The following GPC5 variants were observed in gnomAD, a reference collection of about 807,000 sequenced individuals.
The protein encoded by GPC5 is glypican 5.
GPC5 carries 47 observed loss-of-function variants against 53.9 expected under a neutral mutation model. The ratio of observed to expected loss-of-function variants is 0.87; its 90% confidence interval spans 0.69 to 1.11. The LOEUF (loss-of-function observed/expected upper bound fraction) is 1.11, where lower values mean the gene tolerates loss of function less well. GPC5 is among the 50% of genes most tolerant of loss of function. GPC5 has a pLI of 0.00. For missense variants in GPC5, 748 were observed against 713.1 expected, an observed-to-expected ratio of 1.05 and a Z score of -0.56; for synonymous variants, 286 against 263.3, an observed-to-expected ratio of 1.09 and a Z score of -0.84.
intron 7 of GPC5, among the ~76,000 whole-genome samples, chr13:92,361,267 C>G (rs1372722756): frequency 6.6e-6 from 1 of 151,614 alleles, no homozygotes; most frequent in South Asian, 2.1e-4. Context: ...TCTTGTGGGT[C>G]GGGTTGGGGG....
chr13:92,053,862 T>G (rs1183795274), intron 6 of GPC5, among the ~76,000 whole-genome samples: 2 of 151,718 alleles, frequency 1.3e-5, no homozygotes, highest in Admixed American at 1.3e-4. Flanking sequence ...AAACCCCGTC[T>G]CTACTAAAAA....
intron 6 of GPC5, among the ~76,000 whole-genome samples, chr13:92,063,286 A>G (rs536100579): frequency 6.6e-6 from 1 of 152,154 alleles, no homozygotes; most frequent in African/African-American, 2.4e-5. Context: ...CTGGGTTTAC[A>G]TCATTATTAA....
intron 5 of GPC5, among the ~76,000 whole-genome samples, chr13:91,802,091 T>G (rs931303421): frequency 6.6e-6 from 1 of 152,222 alleles, no homozygotes; most frequent in African/African-American, 2.4e-5. Context: ...TCAAAAGACA[T>G]AGTGTGTCTG....
intron 7 of GPC5, chr13:92,241,532 G>T (rs2042611529): frequency 6.6e-6 from 1 of 152,146 alleles, no homozygotes; most frequent in Non-Finnish European, 1.5e-5. Flanking sequence ...GAATACTCCA[G>T]CTCCTTTTTT....
rs1202211416 is a variant in GPC5 at position 92,166,950 on chromosome 13, TCTCTCTCACA to T, written c.1561+21963_1561+21972del. 8.6e-3 allele frequency among the ~76,000 whole-genome samples: 497 copies of T among 57,486 alleles called. 1 individual carries two copies. The highest frequency in any genetic ancestry group is 0.03 in the East Asian group (33 of 1,118). The allele number at this position is 57,486 out of a possible 152,430, so 37.7% of individuals were successfully genotyped here. ...CTCTCTCTCTCTCTCTCTCTCTCTC[TCTCTCTCACA>T]CACACACACACACACACACACACAC... On this transcript the variant is annotated intron_variant, in intron 7 of 7. Coordinates refer to ENST00000377067, the MANE Select transcript of GPC5 (RefSeq NM_004466.6).
chr13:91,796,087 G>T (rs1264888617), intron 5 of GPC5, among the ~76,000 whole-genome samples: 1 of 152,070 alleles, frequency 6.6e-6, no homozygotes, highest in Non-Finnish European at 1.5e-5. Context: ...CTCTGACCTG[G>T]GGTACTTGGC....
At chr13:92,324,000 T>A (rs1306929330) in intron 7 of GPC5, among the ~76,000 whole-genome samples, 6 of 152,010 alleles carry the variant, frequency 3.9e-5, no homozygotes. Context: ...GTTGTTTTGA[T>A]GTAGTTTCTG....
At chr13:92,602,755 GT>G (rs1338758392) in intron 7 of GPC5, among the ~76,000 whole-genome samples, 1 of 152,082 alleles carries the variant, frequency 6.6e-6, no homozygotes, top group Non-Finnish European at 1.5e-5. Context: ...GACAAAACAA[GT>G]TCAAAAGAAT....
chr13:92,094,266 C>A (rs2041403364), intron 6 of GPC5, among the ~76,000 whole-genome samples: 1 of 151,902 alleles, frequency 6.6e-6, no homozygotes, highest in South Asian at 2.1e-4. Context: ...CCTGTTTTCC[C>A]AGCACTTTGT....
intron 5 of GPC5, among the ~76,000 whole-genome samples, chr13:91,757,874 T>C (rs2037328502): frequency 6.6e-6 from 1 of 152,168 alleles, no homozygotes; most frequent in South Asian, 2.1e-4. Context: ...AAATTAACTT[T>C]GCTATGATAA....
intron 7 of GPC5, among the ~76,000 whole-genome samples, chr13:92,479,686 A>G (rs918772569): frequency 2.6e-5 from 4 of 152,210 alleles, no homozygotes; most frequent in African/African-American, 9.6e-5. Context: ...TAAGACATTG[A>G]AAGAGACTGG....
Position 92,283,953 on chromosome 13 carries a change from T to G in GPC5, c.1561+138964T>G, listed in dbSNP as rs7983028. Among the ~76,000 whole-genome samples the G allele has an allele frequency of 6.6e-3, 1,004 of 152,096 alleles. 14 individuals are homozygous for G. The highest frequency in any genetic ancestry group is 0.023 in the African/African-American group (939 of 41,484). Reference sequence around the variant, plus strand: ...CTTCAAAAAATCAATGAATCCAGGATCTGGTTTTTTGAAAAGATCAACAAA... The same window carrying G: ...CTTCAAAAAATCAATGAATCCAGGAGCTGGTTTTTTGAAAAGATCAACAAA... On this transcript the variant is annotated intron_variant, in intron 7 of 7. Coordinates refer to ENST00000377067, the MANE Select transcript of GPC5 (RefSeq NM_004466.6).
At chr13:92,299,873 T>C (rs2043063472) in intron 7 of GPC5, among the ~76,000 whole-genome samples, 1 of 152,192 alleles carries the variant, frequency 6.6e-6, no homozygotes, top group Non-Finnish European at 1.5e-5. Flanking sequence ...TATGATTATA[T>C]TGTATCATTT....
intron 5 of GPC5, among the ~76,000 whole-genome samples, chr13:91,786,945 C>CTTT (rs34996570): frequency 2.6e-4 from 37 of 142,824 alleles, no homozygotes; most frequent in Non-Finnish European, 4.9e-4. Flanking sequence ...AAGTGTTTCT[C>CTTT]TTTTTTTTTT....
At chr13:92,760,967 C>A (rs544066141) in intron 7 of GPC5, among the ~76,000 whole-genome samples, 23 of 152,074 alleles carry the variant, frequency 1.5e-4, no homozygotes, top group Non-Finnish European at 2.6e-4. Context: ...TTCCAAAATT[C>A]TTCCTCTTAG....
intron 7 of GPC5, among the ~76,000 whole-genome samples, chr13:92,544,716 T>C (rs1882044468): frequency 6.6e-6 from 1 of 152,040 alleles, no homozygotes; most frequent in Admixed American, 6.6e-5. Context: ...TTTCTTCTTT[T>C]TTTGGTCATT....
At chr13:92,381,917 T>C (rs1187058975) in intron 7 of GPC5, among the ~76,000 whole-genome samples, 1 of 117,968 alleles carries the variant, frequency 8.5e-6, no homozygotes, top group Non-Finnish European at 1.6e-5. Context: ...ATGATATATA[T>C]AATCATATAT....
intron 7 of GPC5, among the ~76,000 whole-genome samples, chr13:92,715,933 C>T (rs1339618167): frequency 6.6e-6 from 1 of 152,086 alleles, no homozygotes; most frequent in Non-Finnish European, 1.5e-5. Flanking sequence ...GATTCTGATC[C>T]AACAGACTAT....
intron 5 of GPC5, among the ~76,000 whole-genome samples, chr13:91,768,356 A>G (rs868361396): frequency 6.6e-6 from 1 of 152,194 alleles, no homozygotes; most frequent in Non-Finnish European, 1.5e-5. Flanking sequence ...AAACTTCTAC[A>G]AAATTTGATT....
Sources: allele counts gnomAD v4.1 joint callset (sites outside exome capture counted in the v4.1 genomes callset), GRCh38; gene constraint gnomAD v4.1.1; transcripts MANE v1.5; gene names NCBI Gene and HGNC (gene_info 2026-07-23, HGNC 2026-07-21).